SEPTIN7: variants seen among roughly 807,000 people sequenced by gnomAD.
The protein encoded by SEPTIN7 is septin-7.
In SEPTIN7, 10 loss-of-function variants were observed where a neutral mutation model predicts 63.3. That is an observed-to-expected ratio of 0.16 (90% CI 0.10 to 0.27). The LOEUF (loss-of-function observed/expected upper bound fraction) is 0.27, where lower values mean the gene tolerates loss of function less well. Ranked by LOEUF, SEPTIN7 falls within the 10% of genes least tolerant of loss-of-function variation. The pLI, the probability that SEPTIN7 is intolerant of heterozygous loss-of-function variation, is 1.00. For missense variants in SEPTIN7, 310 were observed against 521.0 expected, an observed-to-expected ratio of 0.59 and a Z score of 3.94; for synonymous variants, 131 against 165.3, an observed-to-expected ratio of 0.79 and a Z score of 1.59.
chr7:35,887,291 A>G (rs1275590195), intron 10 of SEPTIN7, among the ~76,000 whole-genome samples: 1 of 152,224 alleles, frequency 6.6e-6, no homozygotes, highest in Non-Finnish European at 1.5e-5. Context: ...TTTTAAAAGT[A>G]TACAATCAAT....
At chr7:35,899,145 G>C (rs1242480709) in intron 12 of SEPTIN7, 2 of 152,192 alleles carry the variant, frequency 1.3e-5, no homozygotes, top group African/African-American at 4.8e-5. Context: ...TAGTTTGATA[G>C]ATGTCTGAGA....
intron 3 of SEPTIN7, among the ~76,000 whole-genome samples, chr7:35,849,098 T>G (rs35890515): frequency 6.6e-6 from 1 of 152,192 alleles, no homozygotes; most frequent in Non-Finnish European, 1.5e-5. Context: ...ATATAGAGCT[T>G]GTTTAGCTTG....
At chr7:35,801,597 C>CT (rs1787980116) in intron 1 of SEPTIN7, among the ~76,000 whole-genome samples, 2 of 152,126 alleles carry the variant, frequency 1.3e-5, no homozygotes, top group South Asian at 4.1e-4. Context: ...CCTGCCCTTG[C>CT]TTCTCTCCGT....
At chr7:35,826,985 A>G (rs1783549256) in intron 1 of SEPTIN7, among the ~76,000 whole-genome samples, 1 of 152,162 alleles carries the variant, frequency 6.6e-6, no homozygotes, top group Admixed American at 6.5e-5. Context: ...TTTGTGCTGA[A>G]CTAATGTAAC....
intron 2 of SEPTIN7, chr7:35,831,752 T>C (rs1783843520): frequency 4.2e-6 from 1 of 235,304 alleles, no homozygotes; most frequent in Non-Finnish European, 8.4e-6. Context: ...TTTTATGAAA[T>C]GAACAAAAGA....
the SEPTIN7 span, among the ~76,000 whole-genome samples, chr7:35,914,684 CAT>C: frequency 2.0e-5 from 3 of 146,464 alleles, no homozygotes; most frequent in South Asian, 2.2e-4. Context: ...CACACACACA[CAT>C]AAATATATAT....
At chr7:35,857,308 A>G (rs986289654) in intron 3 of SEPTIN7, among the ~76,000 whole-genome samples, 4 of 152,212 alleles carry the variant, frequency 2.6e-5, no homozygotes, top group African/African-American at 7.2e-5. Flanking sequence ...TTCTTGGCCA[A>G]ATGATACCCT....
intron 1 of SEPTIN7, among the ~76,000 whole-genome samples, chr7:35,802,985 A>G (rs956674346): frequency 2.6e-5 from 4 of 152,228 alleles, no homozygotes; most frequent in African/African-American, 7.2e-5. Flanking sequence ...GGACAACATG[A>G]TGGAACCAGG....
chr7:35,862,225 A>AT (rs1221593084), intron 3 of SEPTIN7, among the ~76,000 whole-genome samples: 1 of 151,888 alleles, frequency 6.6e-6, no homozygotes, highest in African/African-American at 2.4e-5. Context: ...TCAGACTTCT[A>AT]TTTTTCTTCC....
chr7:35,836,597 T>A (rs1296014155), intron 3 of SEPTIN7, among the ~76,000 whole-genome samples: 2 of 152,160 alleles, frequency 1.3e-5, no homozygotes, highest in East Asian at 3.8e-4. Flanking sequence ...TTGGCCATTT[T>A]TTGGGATTCA....
intron 1 of SEPTIN7, among the ~76,000 whole-genome samples, chr7:35,819,349 G>A (rs747192731): frequency 4.6e-5 from 7 of 152,104 alleles, no homozygotes; most frequent in South Asian, 2.1e-4. Context: ...AAATTGAGAC[G>A]TGTTTTGTGA....
intron 12 of SEPTIN7, chr7:35,900,649 A>T (rs1788269299): frequency 6.6e-6 from 1 of 152,240 alleles, no homozygotes; most frequent in Non-Finnish European, 1.5e-5. Context: ...TCCATTGAGA[A>T]TCTAAAAGTA....
chr7:35,824,127 T>G (rs1043366233), intron 1 of SEPTIN7, among the ~76,000 whole-genome samples: 1 of 152,092 alleles, frequency 6.6e-6, no homozygotes, highest in African/African-American at 2.4e-5. Flanking sequence ...CTCCTGTAGT[T>G]TTTTTTTCTG....
intron 2 of SEPTIN7, chr7:35,831,985 C>G: frequency 2.7e-6 from 1 of 366,196 alleles, no homozygotes; most frequent in Non-Finnish European, 5.3e-6. Context: ...ACCAATGAGA[C>G]TCTGCTTATT....
At chr7:35,907,505 A>C (rs1231501592), downstream of SEPTIN7, among the ~76,000 whole-genome samples, 1 of 152,090 alleles carries the variant, frequency 6.6e-6, no homozygotes, top group Non-Finnish European at 1.5e-5. Context: ...CTGTTTCCTC[A>C]TCTGCAAAAG....
downstream of SEPTIN7, among the ~76,000 whole-genome samples, chr7:35,908,176 GTC>G (rs1788669075): frequency 6.6e-6 from 1 of 152,192 alleles, no homozygotes; most frequent in Non-Finnish European, 1.5e-5. Flanking sequence ...GTTTATCAGA[GTC>G]TCTCATCTTT....
At chr7:35,868,442 C>T (rs1297151235) in intron 4 of SEPTIN7, among the ~76,000 whole-genome samples, 2 of 152,152 alleles carry the variant, frequency 1.3e-5, no homozygotes, top group Non-Finnish European at 2.9e-5. Context: ...TCAAAGATCT[C>T]ACAATTGTGG....
intron 3 of SEPTIN7, among the ~76,000 whole-genome samples, chr7:35,837,912 T>G (rs951942608): frequency 1.3e-5 from 2 of 151,866 alleles, no homozygotes; most frequent in Admixed American, 6.6e-5. Flanking sequence ...TTAGTAGAGA[T>G]AGGGTTTCAC....
At chr7:35,803,200 A>T in intron 1 of SEPTIN7, 1 of 866,556 alleles carries the variant, frequency 1.2e-6, no homozygotes, top group South Asian at 5.3e-5. Flanking sequence ...TACATAATAC[A>T]TGAAAGGTAG....
Sources: gnomAD v4.1 joint callset for allele counts (sites outside exome capture counted in the v4.1 genomes callset) on GRCh38, gnomAD v4.1.1 for gene constraint, MANE v1.5 for transcripts, NCBI Gene and HGNC (gene_info 2026-07-23, HGNC 2026-07-21) for gene names.